The following PCDHAC1 variants were observed in gnomAD, a reference collection of about 807,000 sequenced individuals.
PCDHAC1 encodes the protein protocadherin alpha subfamily C, 1.
A neutral mutation model predicts 60.0 loss-of-function variants in PCDHAC1; 42 were observed. The observed-to-expected ratio is 0.70, with a 90% CI of 0.55 to 0.90. The LOEUF is 0.90. Ranked by LOEUF, PCDHAC1 falls within the 40% of genes least tolerant of loss-of-function variation. PCDHAC1 has a pLI of 0.00. For missense variants in PCDHAC1, 1,160 were observed against 1,222.3 expected (o/e 0.95, Z 0.76); for synonymous variants, 468 against 499.3 (o/e 0.94, Z 0.84).
chr5:140,998,743 T>A (rs2097832293), intron 3 of PCDHAC1, among the ~76,000 whole-genome samples: 1 of 152,138 alleles, frequency 6.6e-6, no homozygotes, highest in Non-Finnish European at 1.5e-5. Flanking sequence ...TTTGTATTTT[T>A]AGAAGAGACA....
chr5:140,927,203 C>G lies in PCDHAC1; in HGVS notation c.311C>G (p.Pro104Arg), dbSNP rs782141467. 1 of 1,614,104 alleles carries G rather than the reference C, an allele frequency of 6.2e-7. No individual in the cohort carries two copies. Among genetic ancestry groups the G allele is most frequent in the Admixed American group, 1.7e-5 (1 of 60,008 alleles). Residue 104 changes from proline to arginine, a missense_variant, in exon 1 of 4, where the codon CCG becomes CGG. Pro to Arg is a moderately radical substitution (Grantham distance 103). Around this residue, in one of 3 missense-constraint regions of PCDHAC1, gnomAD observed 1,113 missense variants for 1,163.7 expected, o/e 0.96. Coordinates refer to ENST00000253807, the MANE Select transcript of PCDHAC1 (RefSeq NM_018898.5). ...ACCTACGACCTGGTGCTCGAGGACC[C>G]GCTGGAGCTGCACAAGATTCGGATT... is the stretch of plus-strand genomic sequence containing the variant. ...VLTYDLVLEDPLELHKIRIHV... is the reference protein window; with the variant it reads ...VLTYDLVLEDRLELHKIRIHV...
At chr5:140,938,827 C>T (rs905501922) in intron 1 of PCDHAC1, among the ~76,000 whole-genome samples, 4 of 151,880 alleles carry the variant, frequency 2.6e-5, no homozygotes, top group Non-Finnish European at 4.4e-5. Context: ...CATGAGTTTG[C>T]GTTATAACAA....
At chr5:141,001,261 CTT>C (rs1437571267) in intron 3 of PCDHAC1, among the ~76,000 whole-genome samples, 1 of 152,062 alleles carries the variant, frequency 6.6e-6, no homozygotes, top group East Asian at 1.9e-4. Flanking sequence ...GGCGGGCACT[CTT>C]ATGAACTTTT....
At chr5:140,964,677 A>G (rs578237071) in intron 1 of PCDHAC1, among the ~76,000 whole-genome samples, 11 of 152,090 alleles carry the variant, frequency 7.2e-5, no homozygotes, top group Non-Finnish European at 1.0e-4. Flanking sequence ...CAGGTCCACA[A>G]TTTGTGCACT....
At chr5:140,995,577 A>G (rs892793952) in intron 3 of PCDHAC1, among the ~76,000 whole-genome samples, 7 of 152,242 alleles carry the variant, frequency 4.6e-5, no homozygotes, top group Non-Finnish European at 1.0e-4. Flanking sequence ...AAGATGAGCT[A>G]TGAGCTTTTA....
chr5:140,942,846 A>C (rs1239885134), intron 1 of PCDHAC1, among the ~76,000 whole-genome samples: 1 of 152,312 alleles, frequency 6.6e-6, no homozygotes, highest in East Asian at 1.9e-4. Flanking sequence ...AAATTCCAGT[A>C]AGATGATTAT....
intron 3 of PCDHAC1, among the ~76,000 whole-genome samples, chr5:141,005,089 A>G (rs1554259886): frequency 6.6e-6 from 1 of 152,244 alleles, no homozygotes; most frequent in East Asian, 1.9e-4. Context: ...TTAGTACTTT[A>G]CATGCATTAC....
intron 3 of PCDHAC1, among the ~76,000 whole-genome samples, chr5:141,003,751 T>G (rs3822342): frequency 0.05 from 7,683 of 152,316 alleles, 243 homozygotes; most frequent in South Asian, 0.11. Flanking sequence ...ATATTTTGTA[T>G]AATTATGGTC....
At chr5:140,947,949 AT>A (rs1326528139) in intron 1 of PCDHAC1, among the ~76,000 whole-genome samples, 1 of 151,494 alleles carries the variant, frequency 6.6e-6, no homozygotes, top group African/African-American at 2.4e-5. Context: ...AGTGTTCCAT[AT>A]TTTACAATTA....
intron 3 of PCDHAC1, among the ~76,000 whole-genome samples, chr5:140,987,740 A>G (rs1454887233): frequency 6.6e-6 from 1 of 152,078 alleles, no homozygotes; most frequent in Admixed American, 6.5e-5. Flanking sequence ...CAAAATTTAG[A>G]CCCAGGTTGT....
intron 3 of PCDHAC1, among the ~76,000 whole-genome samples, chr5:140,998,707 A>G (rs1230153468): frequency 6.6e-6 from 1 of 151,942 alleles, no homozygotes; most frequent in African/African-American, 2.4e-5. Flanking sequence ...TGGGATTACA[A>G]GCTTGCACCA....
chr5:140,982,071 G>A (rs1484711558), intron 2 of PCDHAC1, among the ~76,000 whole-genome samples: 12 of 151,172 alleles, frequency 7.9e-5, no homozygotes, highest in Admixed American at 7.9e-4. Flanking sequence ...TTCTTCTTTA[G>A]AGTAGAGAAC....
intron 1 of PCDHAC1, among the ~76,000 whole-genome samples, chr5:140,953,382 G>A (rs1554220887): frequency 6.6e-6 from 1 of 152,142 alleles, no homozygotes; most frequent in Admixed American, 6.6e-5. Context: ...ACCCCTCTCA[G>A]TTGTGGATTA....
Position 140,927,606 on chromosome 5 carries a change from C to T in PCDHAC1, c.714C>T (p.Tyr238=). ...DNAPVFERSV[Y]RTKVPETAPN... is the part of the protein sequence containing the mutation. The stretch of plus-strand genomic sequence containing the variant: ...CGCCTGTATTTGAGCGCTCCGTATA[C>T]CGCACCAAGGTTCCAGAGACTGCAC... The change falls in exon 1 of 4, where the codon TAC becomes TAT. Residue 238 remains tyrosine, a synonymous_variant. Coordinates refer to ENST00000253807, the MANE Select transcript of PCDHAC1 (RefSeq NM_018898.5). 6.2e-7 allele frequency: 1 copy of T among 1,614,202 alleles called. No homozygotes were observed. The highest frequency in any genetic ancestry group is 8.5e-7 in the Non-Finnish European group (1 of 1,180,036).
intron 1 of PCDHAC1, among the ~76,000 whole-genome samples, chr5:140,958,881 A>G (rs565016962): frequency 2.0e-5 from 3 of 152,092 alleles, no homozygotes; most frequent in Non-Finnish European, 2.9e-5. Flanking sequence ...AGAATTGACC[A>G]GTAGCTATAT....
chr5:140,935,286 C>T (rs1283279527), intron 1 of PCDHAC1, among the ~76,000 whole-genome samples: 1 of 152,150 alleles, frequency 6.6e-6, no homozygotes, highest in Non-Finnish European at 1.5e-5. Context: ...TAAAGTTCAG[C>T]ACTCCGAGGT....
chr5:140,990,332 T>C (rs1458187543), intron 3 of PCDHAC1, among the ~76,000 whole-genome samples: 1 of 152,100 alleles, frequency 6.6e-6, no homozygotes, highest in Non-Finnish European at 1.5e-5. Flanking sequence ...ACTTTAAAAA[T>C]AAGTAAAGCC....
rs192086826 is a variant in PCDHAC1, at chr5:140,981,520, G to C, written c.2493-955G>C. ...ACCTGGGAGGCAGAGGTTGCAGTGA[G>C]CTGAGATCGTGCCACTGTACTCCAG... On this transcript the variant is annotated intron_variant, in intron 2 of 3. Coordinates refer to ENST00000253807, the MANE Select transcript of PCDHAC1 (RefSeq NM_018898.5). Among the ~76,000 whole-genome samples the C allele has an allele frequency of 3.3e-5, 5 of 152,342 alleles. No homozygotes were observed. The East Asian group carries it at 9.6e-4, about 29-fold the overall frequency.
intron 1 of PCDHAC1, among the ~76,000 whole-genome samples, chr5:140,946,263 G>T (rs1168857420): frequency 6.6e-6 from 1 of 151,750 alleles, no homozygotes; most frequent in East Asian, 1.9e-4. Flanking sequence ...AGAAAAATGC[G>T]AATTAAAACC....
Sources: allele counts gnomAD v4.1 joint callset (sites outside exome capture counted in the v4.1 genomes callset), GRCh38; gene constraint gnomAD v4.1.1; regional missense constraint gnomAD v4.1.1; transcripts MANE v1.5; gene names NCBI Gene and HGNC (gene_info 2026-07-23, HGNC 2026-07-21).